Variants in CALN1 observed in about 807,000 individuals in gnomAD.
CALN1 encodes calneuron 1, also known as calcium-binding protein 8.
CALN1 carries 17 observed loss-of-function variants against 30.6 expected under a neutral mutation model. That is an observed-to-expected ratio of 0.56 (90% CI 0.38 to 0.83). The LOEUF (loss-of-function observed/expected upper bound fraction) is 0.83, where lower values mean the gene tolerates loss of function less well. Among genes scored for constraint, CALN1 ranks in the 40% least tolerant of loss-of-function variants. CALN1 has a pLI of 0.00. For synonymous variants in CALN1, 156 were observed against 131.4 expected (o/e 1.19, Z -1.28); for missense variants, 291 against 354.9 (o/e 0.82, Z 1.45).
chr7:72,106,121 CAG>C, intron 4 of CALN1, 28 bp downstream of exon 4: 1 of 1,609,322 alleles, frequency 6.2e-7, no homozygotes, highest in Non-Finnish European at 8.5e-7. Context: ...GGGCATGTCT[CAG>C]GGGAGAAGCT....
intron 2 of CALN1, among the ~76,000 whole-genome samples, chr7:72,366,765 T>C (rs574925480): frequency 6.6e-6 from 1 of 152,260 alleles, no homozygotes; most frequent in East Asian, 1.9e-4. Context: ...TAACCATTTA[T>C]TCAAAGTTGC....
intron 2 of CALN1, among the ~76,000 whole-genome samples, chr7:72,400,368 G>A (rs966069668): frequency 6.6e-6 from 1 of 152,170 alleles, no homozygotes; most frequent in African/African-American, 2.4e-5. Flanking sequence ...ATAGCTATTT[G>A]ACAGGAATCA....
chr7:71,840,603 T>C lies in CALN1; in HGVS notation c.502-30111A>G, dbSNP rs966422925. ...TCCAGACAGTGCTTCTCTTTAGATA[T>C]TAAATTCGGAGAGACCTGTGACTGT... On this transcript the variant is annotated intron_variant, in intron 5 of 6. Transcript: ENST00000395275. 2.0e-5 allele frequency among the ~76,000 whole-genome samples: 3 copies of C among 152,026 alleles called. No homozygotes were observed. In the South Asian group the frequency reaches 6.2e-4, roughly 32 times the overall value.
chr7:72,152,244 C>A (rs1787309832), intron 3 of CALN1, among the ~76,000 whole-genome samples: 1 of 152,096 alleles, frequency 6.6e-6, no homozygotes, highest in Admixed American at 6.5e-5. Flanking sequence ...GAAGAGATTT[C>A]ATAGGTCTCT....
chr7:71,997,385 T>G (rs1047266476), intron 5 of CALN1, among the ~76,000 whole-genome samples: 9 of 152,108 alleles, frequency 5.9e-5, no homozygotes, highest in Non-Finnish European at 1.2e-4. Flanking sequence ...AATTCACTCA[T>G]TATGAACACC....
At chr7:72,484,666 C>T in the CALN1 span, among the ~76,000 whole-genome samples, 3 of 152,140 alleles carry the variant, frequency 2.0e-5, no homozygotes, top group African/African-American at 7.2e-5. Flanking sequence ...CTTTGAATTC[C>T]AGCCACCTTC....
chr7:72,316,817 T>A lies in CALN1; in HGVS notation c.120-38007A>T, dbSNP rs567518396. ...GAAATCAGCTGTGCATGGTGTCACA[T>A]GCGTGTAGTCCCAGCTATTCTGGAG... On this transcript the variant is annotated intron_variant, in intron 2 of 6. Transcript: ENST00000395275. Among the ~76,000 whole-genome samples the A allele has an allele frequency of 1.4e-4, 21 of 151,840 alleles. No homozygotes were observed. The East Asian group carries it at 4.1e-3, about 30-fold the overall frequency.
intron 5 of CALN1, among the ~76,000 whole-genome samples, chr7:72,013,839 T>C (rs1184282193): frequency 6.6e-6 from 1 of 152,022 alleles, no homozygotes; most frequent in East Asian, 1.9e-4. Flanking sequence ...TATAATATTT[T>C]ATCTTTATAA....
intron 2 of CALN1, among the ~76,000 whole-genome samples, chr7:72,340,518 G>A (rs1269341266): frequency 9.2e-5 from 14 of 152,190 alleles, no homozygotes; most frequent in Admixed American, 9.2e-4. Flanking sequence ...ACTTAAGCAT[G>A]AGCTGCCTGA....
In CALN1 at chr7:72,201,737, TAAAA is replaced by T. The variant is rs778266725; in HGVS notation, c.244+76945_244+76948del. The stretch of plus-strand genomic sequence containing the variant: ...ACCCATGTACAACCTTGAATCTGAT[TAAAA>T]AAAAAAAAAAAAAAAGCAGTAACTG... On this transcript the variant is annotated intron_variant, in intron 3 of 6. Coordinates refer to ENST00000395275, the MANE Select transcript of CALN1 (RefSeq NM_031468.4). 2.5e-5 allele frequency among the ~76,000 whole-genome samples: 3 copies of T among 117,866 alleles called. No individual in the cohort carries two copies. In the South Asian group the frequency reaches 8.0e-4, roughly 32 times the overall value. The allele number at this position is 117,866 out of a possible 152,430, so 77.3% of individuals were successfully genotyped here. A position where few individuals can be genotyped will look rare whatever the true frequency, so the allele number is the denominator to read the frequency against.
chr7:72,405,486 T>C (rs1806635482), intron 1 of CALN1, among the ~76,000 whole-genome samples: 1 of 152,014 alleles, frequency 6.6e-6, no homozygotes, highest in Non-Finnish European at 1.5e-5. Context: ...CCAGGAGCAC[T>C]CACCCCCACA....
At chr7:71,796,358 CTTTTTTTTTT>C (rs35184000) in intron 6 of CALN1, among the ~76,000 whole-genome samples, 6 of 130,216 alleles carry the variant, frequency 4.6e-5, no homozygotes, top group Admixed American at 2.3e-4. Context: ...ATGTTTCTTT[CTTTTTTTTTT>C]TTTTTTTTTG....
chr7:72,125,304 C>T (rs1274908924), intron 3 of CALN1, among the ~76,000 whole-genome samples: 2 of 152,160 alleles, frequency 1.3e-5, no homozygotes, highest in South Asian at 2.1e-4. Context: ...CGTGAGCCAC[C>T]ACACCCGGCC....
intron 5 of CALN1, among the ~76,000 whole-genome samples, chr7:72,020,630 A>G (rs1800649365): frequency 6.6e-6 from 1 of 152,168 alleles, no homozygotes; most frequent in Non-Finnish European, 1.5e-5. Context: ...GACTTCCAGC[A>G]TTGATTTAAA....
intron 1 of CALN1, among the ~76,000 whole-genome samples, chr7:72,429,164 G>A (rs968996290): frequency 2.6e-5 from 4 of 152,124 alleles, no homozygotes; most frequent in Non-Finnish European, 5.9e-5. Context: ...CAGGAAAATA[G>A]AATCCATCTT....
intron 4 of CALN1, among the ~76,000 whole-genome samples, chr7:72,063,823 A>G (rs1803831799): frequency 6.6e-6 from 1 of 152,182 alleles, no homozygotes. Context: ...ATCAGTAAGT[A>G]TAATACAAAT....
chr7:72,073,759 A>C (rs1352485896), intron 4 of CALN1, among the ~76,000 whole-genome samples: 1 of 151,896 alleles, frequency 6.6e-6, no homozygotes, highest in Non-Finnish European at 1.5e-5. Flanking sequence ...AGCAGCACAA[A>C]CATGGCTCAC....
intron 2 of CALN1, among the ~76,000 whole-genome samples, chr7:72,334,187 G>GTC (rs1801852315): frequency 6.6e-6 from 1 of 152,142 alleles, no homozygotes; most frequent in South Asian, 2.1e-4. Context: ...AATTAAGAGG[G>GTC]TCTCCGAAGG....
chr7:72,228,024 G>A (rs986655290), intron 3 of CALN1, among the ~76,000 whole-genome samples: 8 of 152,066 alleles, frequency 5.3e-5, no homozygotes, highest in East Asian at 1.9e-4. Context: ...TCAGGTTCAC[G>A]GCAAAGCAGA....
Sources: allele counts gnomAD v4.1 joint callset (sites outside exome capture counted in the v4.1 genomes callset), GRCh38; gene constraint gnomAD v4.1.1; transcripts MANE v1.5; gene names NCBI Gene and HGNC (gene_info 2026-07-23, HGNC 2026-07-21).